ADGRL2: variants seen among roughly 807,000 people sequenced by gnomAD.
ADGRL2 encodes adhesion G protein-coupled receptor L2, also known as calcium-independent alpha-latrotoxin receptor 2.
ADGRL2 carries 44 observed loss-of-function variants against 157.4 expected under a neutral mutation model. The observed-to-expected ratio is 0.28, with a 90% CI of 0.22 to 0.36. The LOEUF (loss-of-function observed/expected upper bound fraction) is 0.36, where lower values mean the gene tolerates loss of function less well. Among genes scored for constraint, ADGRL2 ranks in the 10% least tolerant of loss-of-function variants. The pLI is 1.00. For synonymous variants in ADGRL2, 585 were observed against 624.7 expected, an observed-to-expected ratio of 0.94 and a Z score of 0.95; for missense variants, 1,510 against 1,768.9, an observed-to-expected ratio of 0.85 and a Z score of 2.63.
At chr1:81,384,618 A>G (rs772670041) in intron 1 of ADGRL2, among the ~76,000 whole-genome samples, 7 of 152,208 alleles carry the variant, frequency 4.6e-5, no homozygotes, top group Non-Finnish European at 1.0e-4. Context: ...ATCAGAATGT[A>G]CTATTTCAGC....
intron 1 of ADGRL2, among the ~76,000 whole-genome samples, chr1:81,708,803 T>C (rs2083828353): frequency 1.3e-5 from 2 of 152,160 alleles, no homozygotes; most frequent in South Asian, 4.1e-4. Flanking sequence ...ATTTCCTTTA[T>C]TTTTTGCTTT....
At chr1:81,501,674 C>A in intron 2 of ADGRL2, 1 of 1,520,722 alleles carries the variant, frequency 6.6e-7, no homozygotes, top group Non-Finnish European at 8.9e-7. Flanking sequence ...CACCCGAAAA[C>A]CCGGAGTGCC....
In ADGRL2 at chr1:81,584,820, G is replaced by A. The variant is rs75992300; in HGVS notation, c.-143+3840G>A. On this transcript the variant is annotated intron_variant, in intron 3 of 24. Coordinates refer to the ADGRL2 transcript ENST00000370721. The stretch of plus-strand genomic sequence containing the variant: ...CAGTGATAACTTCTAAGATTTTCCC[G>A]AGGAAATGTCATTCATTGCTGCTTA... Among the ~76,000 whole-genome samples the A allele has an allele frequency of 4.2e-3, 641 of 152,158 alleles. 6 individuals are homozygous for A. Among genetic ancestry groups the A allele is most frequent in the Admixed American group, 0.013 (194 of 15,266 alleles).
chr1:81,326,995 C>G (rs942716568), intron 1 of ADGRL2, among the ~76,000 whole-genome samples: 2 of 152,126 alleles, frequency 1.3e-5, no homozygotes, highest in Non-Finnish European at 2.9e-5. Context: ...TTCCCTGCAG[C>G]GGACTGGCAG....
chr1:81,337,770 A>G (rs952602587), intron 1 of ADGRL2, among the ~76,000 whole-genome samples: 1 of 151,816 alleles, frequency 6.6e-6, no homozygotes, highest in East Asian at 1.9e-4. Flanking sequence ...ACCCTGGCAG[A>G]CTCTTTTTTT....
At chr1:81,415,025 G>A (rs779792733) in intron 1 of ADGRL2, among the ~76,000 whole-genome samples, 12 of 152,024 alleles carry the variant, frequency 7.9e-5, no homozygotes, top group South Asian at 2.1e-4. Flanking sequence ...GACAACAGAC[G>A]TTGTGTAAAG....
chr1:81,461,941 G>C lies in ADGRL2; in HGVS notation c.-248+16852G>C, dbSNP rs919844780. Among the ~76,000 whole-genome samples the C allele has an allele frequency of 1.5e-3, 210 of 140,482 alleles. 5 individuals are homozygous for C. Among genetic ancestry groups the C allele is most frequent in the African/African-American group, 5.1e-3 (198 of 38,806 alleles). 92.2% of individuals were successfully genotyped at this position (140,482 alleles called of 152,430 possible). A position where few individuals can be genotyped will look rare whatever the true frequency, so the allele number is the denominator to read the frequency against. On this transcript the variant is annotated intron_variant, in intron 2 of 24. Coordinates refer to the ADGRL2 transcript ENST00000370721. ...GAAGAAAAGAAGAAAGGGGGGGGGG[G>C]GTGGTGGAGAAAGAGAGAGACAAAG... is the stretch of plus-strand genomic sequence containing the variant.
intron 3 of ADGRL2, among the ~76,000 whole-genome samples, chr1:81,683,838 A>G (rs1450519377): frequency 1.3e-5 from 2 of 151,606 alleles, no homozygotes; most frequent in Non-Finnish European, 2.9e-5. Flanking sequence ...TTCTTTTGAG[A>G]TGGAGTCTCG....
intron 1 of ADGRL2, among the ~76,000 whole-genome samples, chr1:81,738,597 C>T (rs1365766451): frequency 1.3e-5 from 2 of 152,176 alleles, no homozygotes; most frequent in Non-Finnish European, 2.9e-5. Flanking sequence ...CATGGCAGTT[C>T]AGGTGAGATG....
chr1:81,940,159 G>GTT lies in ADGRL2; in HGVS notation c.398-1872_398-1871dup, dbSNP rs201085816. Among the ~76,000 whole-genome samples the GTT allele has an allele frequency of 5.8e-3, 872 of 151,232 alleles. 5 individuals are homozygous for GTT. Among genetic ancestry groups the GTT allele is most frequent in the African/African-American group, 0.02 (828 of 41,388 alleles). On this transcript the variant is annotated intron_variant, in intron 4 of 23. Coordinates refer to ENST00000686636, the MANE Select transcript of ADGRL2 (RefSeq NM_001366006.2). ...ACTTTCTACATCTTCTATTGAACTT[G>GTT]TTTTAAGTTCTTTTTTAAATAAACA...
At chr1:81,467,306 T>A (rs1355365073) in intron 2 of ADGRL2, among the ~76,000 whole-genome samples, 1 of 152,064 alleles carries the variant, frequency 6.6e-6, no homozygotes. Flanking sequence ...GGTACAAAAA[T>A]AAGAAGCAGC....
chr1:81,787,703 G>T (rs2087124142), intron 2 of ADGRL2, among the ~76,000 whole-genome samples: 1 of 151,910 alleles, frequency 6.6e-6, no homozygotes, highest in South Asian at 2.1e-4. Context: ...AAGAGTGGTG[G>T]GAAGTGGTGA....
At chr1:81,625,524 T>G (rs2081892297) in intron 3 of ADGRL2, 1 of 152,144 alleles carries the variant, frequency 6.6e-6, no homozygotes, top group Non-Finnish European at 1.5e-5. Flanking sequence ...TTTTCTCCAG[T>G]CTTTGAGGAC....
chr1:81,910,756 C>T (rs2148399787), intron 3 of ADGRL2, among the ~76,000 whole-genome samples: 1 of 150,954 alleles, frequency 6.6e-6, no homozygotes, highest in African/African-American at 2.4e-5. Flanking sequence ...ACTTAAAAAT[C>T]CCAAAACCCT....
intron 2 of ADGRL2, among the ~76,000 whole-genome samples, chr1:81,886,993 C>A (rs879327681): frequency 1.3e-5 from 2 of 152,030 alleles, no homozygotes; most frequent in Non-Finnish European, 2.9e-5. Flanking sequence ...CACTTAGGCC[C>A]GATATCTAGA....
At chr1:81,703,343 G>T (rs1238310218) in intron 1 of ADGRL2, among the ~76,000 whole-genome samples, 1 of 152,202 alleles carries the variant, frequency 6.6e-6, no homozygotes, top group East Asian at 1.9e-4. Context: ...AATTGGAGTT[G>T]TTAGGGGAAA....
At chr1:81,920,402 C>T (rs1021924504) in intron 3 of ADGRL2, among the ~76,000 whole-genome samples, 5 of 152,016 alleles carry the variant, frequency 3.3e-5, no homozygotes, top group Non-Finnish European at 7.4e-5. Context: ...CCACGTTCGC[C>T]TTTCAGGATC....
intron 3 of ADGRL2, among the ~76,000 whole-genome samples, chr1:81,669,305 T>A (rs79091497): frequency 0.017 from 2,607 of 152,226 alleles, 24 homozygotes; most frequent in Non-Finnish European, 0.028. Context: ...TCCCAGATAC[T>A]GAGGAGACTG....
At chr1:81,356,971 A>AAAAG (rs80327519) in intron 1 of ADGRL2, among the ~76,000 whole-genome samples, 3 of 99,400 alleles carry the variant, frequency 3.0e-5, no homozygotes, top group African/African-American at 6.4e-5. Flanking sequence ...AAAAAAAAAA[A>AAAAG]AAGAAGTTGT....
Sources: gnomAD v4.1 joint callset for allele counts (sites outside exome capture counted in the v4.1 genomes callset) on GRCh38, gnomAD v4.1.1 for gene constraint, MANE v1.5 for transcripts, NCBI Gene and HGNC (gene_info 2026-07-23, HGNC 2026-07-21) for gene names.